FOLH1: variants seen among roughly 807,000 people sequenced by gnomAD.
FOLH1 encodes the protein folate hydrolase 1, also known as glutamate carboxypeptidase 2.
In FOLH1, 54 loss-of-function variants were observed where a neutral mutation model predicts 93.9. The observed-to-expected ratio is 0.57, with a 90% confidence interval of 0.46 to 0.72. FOLH1 has a LOEUF of 0.72. FOLH1 is among the 30% of genes least tolerant of loss of function. The pLI is 0.00. For synonymous variants in FOLH1, 249 were observed against 303.6 expected, an observed-to-expected ratio of 0.82 and a Z score of 1.87; for missense variants, 571 against 892.5, an observed-to-expected ratio of 0.64 and a Z score of 4.59.
chr11:49,178,055 C>A (rs1221928129), intron 7 of FOLH1, among the ~76,000 whole-genome samples: 8 of 151,940 alleles, frequency 5.3e-5, no homozygotes, highest in African/African-American at 1.9e-4. Context: ...TTATCACATG[C>A]ACAGTAACAG....
intron 7 of FOLH1, among the ~76,000 whole-genome samples, chr11:49,177,619 G>T (rs1227073025): frequency 6.6e-6 from 1 of 151,968 alleles, no homozygotes; most frequent in Non-Finnish European, 1.5e-5. Flanking sequence ...CAAGCTGAAA[G>T]TGCGGGAGAA....
chr11:49,208,230 G>T, intron 1 of FOLH1, 62 bp downstream of exon 1: 1 of 1,229,740 alleles, frequency 8.1e-7, no homozygotes, highest in Non-Finnish European at 1.1e-6. Flanking sequence ...TGACCCGCGA[G>T]TCCCAGCACC....
rs577651961 is a variant in FOLH1, at chr11:49,145,204, GTTC to G, written c.*1549_*1551del. On this transcript the variant is annotated 3_prime_UTR_variant, in exon 19 of 19. Transcript: ENST00000256999. Reference sequence around the variant, plus strand: ...TAAATAGATCTGGGCCCATTAAATAGTTCTTCTTTGTCACGTGTTAATGATGTT... The same window carrying G: ...TAAATAGATCTGGGCCCATTAAATAGTTCTTTGTCACGTGTTAATGATGTT... Among the ~76,000 whole-genome samples, 2 of 152,268 alleles carry G rather than the reference GTTC, an allele frequency of 1.3e-5. No homozygotes were observed. Among genetic ancestry groups the G allele is most frequent in the South Asian group, 4.1e-4 (2 of 4,828 alleles).
intron 13 of FOLH1, among the ~76,000 whole-genome samples, chr11:49,160,854 C>T (rs1157010959): frequency 1.3e-5 from 2 of 152,172 alleles, no homozygotes; most frequent in East Asian, 3.9e-4. Flanking sequence ...TCATTAGTTT[C>T]AAAGAACTTC....
rs1339805174 is a variant in FOLH1 at position 49,185,568 on chromosome 11, TAA to T, written c.826+99_826+100del. 8 of 1,397,386 alleles carry T rather than the reference TAA, an allele frequency of 5.7e-6. No individual in the cohort carries two copies. The East Asian group carries it at 1.7e-4, about 30-fold the overall frequency. 86.6% of individuals were successfully genotyped at this position (1,397,386 alleles called of 1,614,324 possible). On this transcript the variant is annotated intron_variant, in intron 6 of 18. Coordinates refer to ENST00000256999, the MANE Select transcript of FOLH1 (RefSeq NM_004476.3). ...CTTTCATTCTTAAATGCAAAGAGAA[TAA>T]AAAAAGACATGCTTAGTCCATTGTA... is the stretch of plus-strand genomic sequence containing the variant.
At chr11:49,205,764 T>C (rs1863848154) in intron 2 of FOLH1, among the ~76,000 whole-genome samples, 1 of 152,212 alleles carries the variant, frequency 6.6e-6, no homozygotes, top group African/African-American at 2.4e-5. Context: ...ACTGACTGTT[T>C]ATGTATTTTC....
chr11:49,146,820 C>T lies in FOLH1; in HGVS notation c.2189G>A (p.Arg730Lys). The part of the protein sequence containing the change: ...DPSKAWGEVK[R>K]QIYVAAFTVQ... ...TGTGAAGGCTGCAACATAAATCTGT[C>T]TCTTCACTTCTCCCCAGGCCTTGGA... is the stretch of plus-strand genomic sequence containing the variant. Residue 730 changes from arginine to lysine, a missense_variant, in exon 19 of 19, where the codon AGA becomes AAA. Arg to Lys is a conservative substitution (Grantham distance 26). Around this residue, in one of 2 missense-constraint regions of FOLH1, gnomAD observed 500 missense variants for 822.9 expected, o/e 0.61. Transcript: ENST00000256999. 6.2e-7 allele frequency: 1 copy of T among 1,613,602 alleles called. No individual in the cohort carries two copies. Among genetic ancestry groups the T allele is most frequent in the Non-Finnish European group, 8.5e-7 (1 of 1,179,696 alleles).
intron 11 of FOLH1, among the ~76,000 whole-genome samples, chr11:49,170,073 C>T (rs568775552): frequency 2.0e-5 from 3 of 150,126 alleles, no homozygotes; most frequent in African/African-American, 7.4e-5. Context: ...CAGGGTTTCA[C>T]ATAATATCTG....
chr11:49,157,045 A>G (rs1373061830), intron 14 of FOLH1, among the ~76,000 whole-genome samples: 1 of 152,120 alleles, frequency 6.6e-6, no homozygotes, highest in East Asian at 1.9e-4. Flanking sequence ...AAGGTTTCTG[A>G]AGTTGGAAAA....
chr11:49,168,632 G>A (rs1192004191), intron 12 of FOLH1, among the ~76,000 whole-genome samples: 6 of 152,004 alleles, frequency 3.9e-5, no homozygotes, highest in African/African-American at 1.2e-4. Context: ...CACCACGCCC[G>A]GCTAATTTTT....
chr11:49,153,885 G>T lies in FOLH1; in HGVS notation c.1931C>A (p.Ser644Tyr), dbSNP rs546821955. The change falls in exon 17 of 19, where the codon TCC becomes TAC. Residue 644 changes from serine (S) to tyrosine (Y), a missense_variant. Ser to Tyr is a moderately radical substitution (Grantham distance 144). Coordinates refer to ENST00000256999, the MANE Select transcript of FOLH1 (RefSeq NM_004476.3). ...SAVKNFTEIA[S>Y]KFSERLQDFD... Reference sequence around the variant, plus strand: ...GTCCTGGAGTCTCTCACTGAACTTGGAAGCAATTTCTGTAAAATTCTTTAC... The same window carrying T: ...GTCCTGGAGTCTCTCACTGAACTTGTAAGCAATTTCTGTAAAATTCTTTAC... 5.9e-5 allele frequency: 95 copies of T among 1,606,794 alleles called. 1 individual carries two copies. The South Asian group carries it at 1.0e-3, about 17-fold the overall frequency.
At chr11:49,203,971 T>G (rs1279642012) in intron 2 of FOLH1, among the ~76,000 whole-genome samples, 1 of 152,160 alleles carries the variant, frequency 6.6e-6, no homozygotes, top group African/African-American at 2.4e-5. Flanking sequence ...GAATGCAGAC[T>G]CCAGGGAGAA....
Position 49,164,705 on chromosome 11 carries a change from CT to C in FOLH1, c.1439del (p.Glu480GlyfsTer2). 1 of 1,586,446 alleles carries C rather than the reference CT, an allele frequency of 6.3e-7. No homozygotes were observed. The highest frequency in any genetic ancestry group is 8.6e-7 in the Non-Finnish European group (1 of 1,159,928). ...MYSLVHNLTK[E>X]LKSPDEGFEG... ...TCTTAAATTATATGTAATTATATACCTCTTTTGTTAGGTTGTGTACCAAGCT... is the reference window on the plus strand; with the variant it reads ...TCTTAAATTATATGTAATTATATACCCTTTTGTTAGGTTGTGTACCAAGCT... On this transcript the variant is annotated frameshift_variant and splice_region_variant, in exon 13 of 19. Coordinates refer to ENST00000256999, the MANE Select transcript of FOLH1 (RefSeq NM_004476.3). LOFTEE classifies it high-confidence loss of function.
In FOLH1 at chr11:49,146,656, T is replaced by C. The variant is rs1855797490; in HGVS notation, c.*100A>G. ...TAACTATATATAATATTCAACTTTA[T>C]TTCAAATATACCAATTTTAAAATTT... On this transcript the variant is annotated 3_prime_UTR_variant, in exon 19 of 19. Transcript: ENST00000256999. The C allele has an allele frequency of 6.4e-6, 7 of 1,090,644 alleles. No homozygotes were observed. In the South Asian group the frequency reaches 1.3e-4, roughly 21 times the overall value. The allele number at this position is 1,090,644 out of a possible 1,614,324, so 67.6% of individuals were successfully genotyped here.
chr11:49,202,035 C>T (rs572716826), intron 2 of FOLH1, among the ~76,000 whole-genome samples: 52 of 152,270 alleles, frequency 3.4e-4, no homozygotes, highest in African/African-American at 1.3e-3. Context: ...AGATCCATTG[C>T]AAACACTAAA....
chr11:49,181,117 T>C (rs1252732422), intron 7 of FOLH1, among the ~76,000 whole-genome samples: 2 of 151,558 alleles, frequency 1.3e-5, no homozygotes, highest in African/African-American at 4.8e-5. Context: ...ATTTTTTTTT[T>C]TTTTTTTTGA....
intron 17 of FOLH1, among the ~76,000 whole-genome samples, chr11:49,152,685 T>A (rs1230703646): frequency 6.6e-6 from 1 of 152,174 alleles, no homozygotes; most frequent in Admixed American, 6.5e-5. Flanking sequence ...ATGTATATAT[T>A]ACTCTCCATT....
At position 49,173,486 on chromosome 11, in the gene FOLH1, A is replaced by G. The variant is rs1590546885; in HGVS notation, c.1106-10T>C. ...AGAATGACATATCTGTCTAGAAAGC[A>G]TAGATACAAGATTATTTGTCATTTC... On this transcript the variant is annotated splice_polypyrimidine_tract_variant and intron_variant, in intron 9 of 18. Coordinates refer to ENST00000256999, the MANE Select transcript of FOLH1 (RefSeq NM_004476.3). The G allele has an allele frequency of 1.9e-6, 3 of 1,586,714 alleles. No individual in the cohort carries two copies. Among genetic ancestry groups the G allele is most frequent in the Non-Finnish European group, 2.6e-6 (3 of 1,164,694 alleles).
intron 11 of FOLH1, among the ~76,000 whole-genome samples, chr11:49,170,046 A>G (rs1427793273): frequency 7.2e-6 from 1 of 139,248 alleles, no homozygotes; most frequent in Non-Finnish European, 1.5e-5. Flanking sequence ...TTTTTTTTCA[A>G]AGAAAATTAA....
Sources: gnomAD v4.1 joint callset for allele counts (sites outside exome capture counted in the v4.1 genomes callset) on GRCh38, gnomAD v4.1.1 for gene constraint, gnomAD v4.1.1 regional missense constraint, MANE v1.5 for transcripts, NCBI Gene and HGNC (gene_info 2026-07-23, HGNC 2026-07-21) for gene names.